SYNPR: variants seen among roughly 807,000 people sequenced by gnomAD.
The protein encoded by SYNPR is synaptoporin.
Under a neutral mutation model 32.9 loss-of-function variants are expected in SYNPR, and 23 were observed. The observed-to-expected ratio is 0.70, with a 90% CI of 0.50 to 0.99. The LOEUF is 0.99. Ranked by LOEUF, SYNPR falls within the 50% of genes least tolerant of loss-of-function variation. SYNPR has a pLI of 0.00. For missense variants in SYNPR, 318 were observed against 349.3 expected, an observed-to-expected ratio of 0.91 and a Z score of 0.71; for synonymous variants, 146 against 135.9, an observed-to-expected ratio of 1.07 and a Z score of -0.52.
chr3:63,567,888 C>G (rs1050445172), intron 4 of SYNPR, among the ~76,000 whole-genome samples: 4 of 152,172 alleles, frequency 2.6e-5, no homozygotes, highest in African/African-American at 7.2e-5. Context: ...TCTCAAATAT[C>G]TAAGAAACAT....
At chr3:63,502,390 C>T (rs932841936) in intron 3 of SYNPR, among the ~76,000 whole-genome samples, 1 of 152,002 alleles carries the variant, frequency 6.6e-6, no homozygotes, top group Non-Finnish European at 1.5e-5. Flanking sequence ...CCTACACTGA[C>T]ACATCATTAT....
chr3:63,448,782 T>C (rs1700326802), intron 2 of SYNPR, among the ~76,000 whole-genome samples: 1 of 152,216 alleles, frequency 6.6e-6, no homozygotes, highest in Admixed American at 6.5e-5. Context: ...CAGAACTAAA[T>C]GCCTTCATTT....
At chr3:63,378,736 C>A (rs1353038698) in intron 2 of SYNPR, among the ~76,000 whole-genome samples, 1 of 151,920 alleles carries the variant, frequency 6.6e-6, no homozygotes, top group African/African-American at 2.4e-5. Flanking sequence ...TGTCTCATTT[C>A]TAGTATTAGT....
intron 3 of SYNPR, among the ~76,000 whole-genome samples, chr3:63,513,145 T>G: frequency 6.7e-6 from 1 of 149,818 alleles, no homozygotes; most frequent in South Asian, 2.2e-4. Context: ...ATTCTCCACA[T>G]ATCCCCCCCT....
At chr3:63,465,308 A>G (rs540860681) in intron 2 of SYNPR, among the ~76,000 whole-genome samples, 1 of 152,102 alleles carries the variant, frequency 6.6e-6, no homozygotes, top group South Asian at 2.1e-4. Context: ...TTGTTAAAGA[A>G]AAGAGAATAA....
chr3:63,498,049 C>G (rs140763382), intron 3 of SYNPR, among the ~76,000 whole-genome samples: 158 of 152,264 alleles, frequency 1.0e-3, no homozygotes, highest in African/African-American at 3.5e-3. Flanking sequence ...AGCAGAAATA[C>G]TCAGAGACGT....
At chr3:63,320,657 T>C (rs1294912730) in intron 2 of SYNPR, among the ~76,000 whole-genome samples, 4 of 152,088 alleles carry the variant, frequency 2.6e-5, no homozygotes, top group Non-Finnish European at 5.9e-5. Context: ...ATTGTGTGAA[T>C]GAATAAACTT....
chr3:63,377,504 T>C (rs1315408044), intron 2 of SYNPR, among the ~76,000 whole-genome samples: 1 of 152,036 alleles, frequency 6.6e-6, no homozygotes, highest in Non-Finnish European at 1.5e-5. Flanking sequence ...TGCCAACCTA[T>C]CATCTTTTAT....
chr3:63,519,925 T>A (rs1701874010), intron 3 of SYNPR, among the ~76,000 whole-genome samples: 1 of 152,214 alleles, frequency 6.6e-6, no homozygotes, highest in Non-Finnish European at 1.5e-5. Context: ...TAACCACTTC[T>A]AACATATTGT....
intron 2 of SYNPR, among the ~76,000 whole-genome samples, chr3:63,293,653 T>G (rs981052971): frequency 6.6e-6 from 1 of 152,164 alleles, no homozygotes; most frequent in African/African-American, 2.4e-5. Flanking sequence ...GTTGGTTCCT[T>G]TTGAGGGTCC....
At chr3:63,540,144 G>A (rs558434766) in intron 3 of SYNPR, among the ~76,000 whole-genome samples, 3 of 152,094 alleles carry the variant, frequency 2.0e-5, no homozygotes, top group Admixed American at 1.3e-4. Context: ...CAGGCATGGT[G>A]CTAAGCTTTT....
intron 1 of SYNPR, among the ~76,000 whole-genome samples, chr3:63,245,078 G>A (rs1372054751): frequency 6.6e-6 from 1 of 152,060 alleles, no homozygotes; most frequent in Non-Finnish European, 1.5e-5. Context: ...CAAAGCATAA[G>A]GAAAGGGATT....
upstream of SYNPR, among the ~76,000 whole-genome samples, chr3:63,276,049 T>G (rs1473018488): frequency 1.3e-5 from 2 of 152,226 alleles, no homozygotes; most frequent in Non-Finnish European, 2.9e-5. Flanking sequence ...CTCAGCTTCA[T>G]GTCCATCAAG....
chr3:63,329,732 A>G (rs923413702), intron 2 of SYNPR, among the ~76,000 whole-genome samples: 1 of 152,150 alleles, frequency 6.6e-6, no homozygotes, highest in Non-Finnish European at 1.5e-5. Context: ...CCTTTTCCAG[A>G]AATGTCAAAA....
intron 2 of SYNPR, among the ~76,000 whole-genome samples, chr3:63,453,196 G>T (rs1700412137): frequency 6.6e-6 from 1 of 152,262 alleles, no homozygotes; most frequent in Middle Eastern, 3.4e-3. Context: ...TCCAGCCCTG[G>T]TTGTGATGCT....
At chr3:63,549,176 C>T (rs183532400) in intron 3 of SYNPR, among the ~76,000 whole-genome samples, 2 of 152,266 alleles carry the variant, frequency 1.3e-5, no homozygotes, top group African/African-American at 4.8e-5. Flanking sequence ...GGTCAGTCTA[C>T]AGGGATTCAA....
chr3:63,484,176 C>G (rs1386569581), intron 3 of SYNPR, among the ~76,000 whole-genome samples: 1 of 152,158 alleles, frequency 6.6e-6, no homozygotes, highest in Non-Finnish European at 1.5e-5. Flanking sequence ...TGATTCCTAT[C>G]AGAAATAATT....
chr3:63,251,039 T>C (rs969177740), intron 1 of SYNPR, among the ~76,000 whole-genome samples: 2 of 152,170 alleles, frequency 1.3e-5, no homozygotes, highest in Admixed American at 1.3e-4. Context: ...AGTTGTGGTC[T>C]CTGGGGAGTG....
chr3:63,324,901 C>A (rs1169892745), intron 2 of SYNPR, among the ~76,000 whole-genome samples: 1 of 152,050 alleles, frequency 6.6e-6, no homozygotes, highest in African/African-American at 2.4e-5. Flanking sequence ...ACAAATACCA[C>A]AAGCAAGAGG....
Sources: gnomAD v4.1 joint callset for allele counts (sites outside exome capture counted in the v4.1 genomes callset) on GRCh38, gnomAD v4.1.1 for gene constraint, MANE v1.5 for transcripts, NCBI Gene and HGNC (gene_info 2026-07-23, HGNC 2026-07-21) for gene names.